The following KDM4C variants were observed in gnomAD, a reference collection of about 807,000 sequenced individuals.
KDM4C encodes lysine-specific demethylase 4C.
A neutral mutation model predicts 129.3 loss-of-function variants in KDM4C; 81 were observed. That is an observed-to-expected ratio of 0.63 (90% CI 0.52 to 0.75). The LOEUF (loss-of-function observed/expected upper bound fraction) is 0.75, where lower values mean the gene tolerates loss of function less well. KDM4C is among the 30% of genes least tolerant of loss of function. KDM4C has a pLI of 0.00. For missense variants in KDM4C, 1,457 were observed against 1,304.0 expected (o/e 1.12, Z -1.81); for synonymous variants, 573 against 456.1 (o/e 1.26, Z -3.26).
rs543609005 is a variant in KDM4C at position 6,733,969 on chromosome 9, C to T, written c.49+12972C>T. Among the ~76,000 whole-genome samples, 14 of 152,240 alleles carry T rather than the reference C, an allele frequency of 9.2e-5. No individual in the cohort carries two copies. The South Asian group carries it at 2.3e-3, about 25-fold the overall frequency. On this transcript the variant is annotated intron_variant, in intron 1 of 17. Coordinates refer to the KDM4C transcript ENST00000536108. ...CTTGGTTTTGGTGGGTTTTAGCCGGCGTCTTTACTGCAGCCTGTTTTATCA... is the reference window on the plus strand; with the variant it reads ...CTTGGTTTTGGTGGGTTTTAGCCGGTGTCTTTACTGCAGCCTGTTTTATCA...
At chr9:6,833,268 A>G (rs1835246756) in intron 4 of KDM4C, among the ~76,000 whole-genome samples, 1 of 152,252 alleles carries the variant, frequency 6.6e-6, no homozygotes, top group South Asian at 2.1e-4. Flanking sequence ...CAGAATGCAT[A>G]TCTGTGAGTA....
intron 15 of KDM4C, among the ~76,000 whole-genome samples, chr9:7,033,487 G>A (rs1827128940): frequency 1.3e-5 from 2 of 152,170 alleles, no homozygotes. Context: ...GGCCATGGTG[G>A]TAATAATTAT....
intron 17 of KDM4C, among the ~76,000 whole-genome samples, chr9:7,066,223 A>T (rs559586875): frequency 6.6e-6 from 1 of 152,178 alleles, no homozygotes; most frequent in Non-Finnish European, 1.5e-5. Flanking sequence ...GGTGGCTTGC[A>T]TTCAATGACA....
intron 17 of KDM4C, among the ~76,000 whole-genome samples, chr9:7,052,148 A>AT (rs1463965622): frequency 1.3e-5 from 2 of 152,166 alleles, no homozygotes; most frequent in Non-Finnish European, 1.5e-5. Flanking sequence ...ACAAACCTGG[A>AT]TTTTTTTCTT....
At chr9:7,042,174 C>G (rs1417269668) in intron 15 of KDM4C, among the ~76,000 whole-genome samples, 4 of 152,014 alleles carry the variant, frequency 2.6e-5, no homozygotes, top group Admixed American at 6.6e-5. Context: ...ATTTTTTCCT[C>G]TACAGATAAA....
At chr9:6,974,547 G>A (rs1055128388) in intron 8 of KDM4C, among the ~76,000 whole-genome samples, 8 of 152,116 alleles carry the variant, frequency 5.3e-5, no homozygotes, top group African/African-American at 1.2e-4. Flanking sequence ...TAGTAGAGAC[G>A]GAGTTTCACC....
intron 8 of KDM4C, chr9:6,902,725 CAG>C (rs889884061): frequency 1.3e-5 from 2 of 152,186 alleles, no homozygotes; most frequent in African/African-American, 4.8e-5. Flanking sequence ...TGCTGAGAAA[CAG>C]TGTCTGTGGG....
intron 8 of KDM4C, among the ~76,000 whole-genome samples, chr9:6,958,369 G>A (rs117694138): frequency 6.6e-6 from 1 of 152,218 alleles, no homozygotes; most frequent in Non-Finnish European, 1.5e-5. Flanking sequence ...TGGATTATCT[G>A]AGACCAGAAG....
intron 17 of KDM4C, among the ~76,000 whole-genome samples, chr9:7,068,288 T>C (rs2132771832): frequency 6.6e-6 from 1 of 152,338 alleles, no homozygotes; most frequent in South Asian, 2.1e-4. Flanking sequence ...TTGGTCTTAC[T>C]ATAAACCCAC....
intron 4 of KDM4C, among the ~76,000 whole-genome samples, chr9:6,842,827 C>A (rs539580715): frequency 6.6e-6 from 1 of 152,294 alleles, no homozygotes; most frequent in East Asian, 1.9e-4. Flanking sequence ...TGGCTGCCTT[C>A]ACTAATTGCT....
At chr9:7,074,552 T>A (rs1833651743) in intron 17 of KDM4C, among the ~76,000 whole-genome samples, 1 of 152,214 alleles carries the variant, frequency 6.6e-6, no homozygotes, top group Non-Finnish European at 1.5e-5. Context: ...AAATGATGTT[T>A]GACCACGTTA....
chr9:6,881,670 C>T (rs180766700), intron 6 of KDM4C, among the ~76,000 whole-genome samples: 21 of 152,174 alleles, frequency 1.4e-4, no homozygotes, highest in Non-Finnish European at 1.9e-4. Flanking sequence ...AAATGGTTAC[C>T]GTTTGTTTAA....
chr9:7,169,401 T>A (rs1438251417), intron 20 of KDM4C, among the ~76,000 whole-genome samples: 2 of 152,224 alleles, frequency 1.3e-5, no homozygotes, highest in African/African-American at 4.8e-5. Context: ...AGTGGTGCGA[T>A]CTCAGCTCAC....
At chr9:6,872,224 C>G (rs993813958) in intron 5 of KDM4C, among the ~76,000 whole-genome samples, 1 of 152,140 alleles carries the variant, frequency 6.6e-6, no homozygotes, top group African/African-American at 2.4e-5. Flanking sequence ...TGACAATAGT[C>G]TAGCTGAAGG....
At chr9:6,937,240 C>T (rs1230037386) in intron 8 of KDM4C, among the ~76,000 whole-genome samples, 1 of 152,140 alleles carries the variant, frequency 6.6e-6, no homozygotes, top group Admixed American at 6.5e-5. Flanking sequence ...TCTCCTTGTT[C>T]GTTTTTCTTG....
intron 1 of KDM4C, among the ~76,000 whole-genome samples, chr9:6,763,328 T>G (rs1220723217): frequency 6.6e-6 from 1 of 152,170 alleles, no homozygotes; most frequent in Non-Finnish European, 1.5e-5. Context: ...GCTACCCCAG[T>G]TGCACTTCTT....
At chr9:6,919,557 A>T (rs796658600) in intron 8 of KDM4C, among the ~76,000 whole-genome samples, 1 of 147,136 alleles carries the variant, frequency 6.8e-6, no homozygotes, top group African/African-American at 2.6e-5. Context: ...CTATCTATCT[A>T]TCTATCTATC....
At chr9:6,927,009 T>C (rs1822697791) in intron 8 of KDM4C, among the ~76,000 whole-genome samples, 1 of 152,196 alleles carries the variant, frequency 6.6e-6, no homozygotes, top group Non-Finnish European at 1.5e-5. Context: ...CTATAGCTTT[T>C]TGGTAAAGCC....
Position 6,940,869 on chromosome 9 carries a change from C to T in KDM4C, c.922-40056C>T, listed in dbSNP as rs931867262. Among the ~76,000 whole-genome samples, 22 of 150,248 alleles carry T rather than the reference C, an allele frequency of 1.5e-4. 1 individual carries two copies. Among genetic ancestry groups the T allele is most frequent in the Non-Finnish European group, 1.5e-5 (1 of 67,346 alleles). ...TCTGATAAAGTCTAATATACAGCAT[C>T]TATAAGAAACTTAAATTTACAAGAA... is the stretch of plus-strand genomic sequence containing the variant. On this transcript the variant is annotated intron_variant, in intron 8 of 21. Coordinates refer to ENST00000381309, the MANE Select transcript of KDM4C (RefSeq NM_015061.6).
Sources: allele counts gnomAD v4.1 joint callset (sites outside exome capture counted in the v4.1 genomes callset), GRCh38; gene constraint gnomAD v4.1.1; transcripts MANE v1.5; gene names NCBI Gene and HGNC (gene_info 2026-07-23, HGNC 2026-07-21).